Variants in FLOT2 observed in about 807,000 individuals in gnomAD.
FLOT2 encodes flotillin 2.
A neutral mutation model predicts 54.9 loss-of-function variants in FLOT2; 35 were observed. That is an observed-to-expected ratio of 0.64 (90% CI 0.49 to 0.84). FLOT2 has a LOEUF of 0.84. Ranked by LOEUF, FLOT2 falls within the 40% of genes least tolerant of loss-of-function variation. The probability of loss-of-function intolerance (pLI) is 0.00; values close to 1 mark genes in which losing one functional copy is unlikely to be tolerated. For missense variants in FLOT2, 464 were observed against 572.1 expected (o/e 0.81, Z 1.93); for synonymous variants, 207 against 228.9 (o/e 0.90, Z 0.86).
chr17:28,882,964 C>T lies in FLOT2; in HGVS notation c.346+144G>A, dbSNP rs2039481356. The T allele has an allele frequency of 3.4e-6, 3 of 886,308 alleles. No homozygotes were observed. The highest frequency in any genetic ancestry group is 5.1e-6 in the Non-Finnish European group (3 of 588,768). The allele number at this position is 886,308 out of a possible 1,614,324, so 54.9% of individuals were successfully genotyped here. On this transcript the variant is annotated intron_variant, in intron 4 of 10. Transcript: ENST00000394908. The surrounding 1 kb of genome is among the most constrained non-coding windows in gnomAD (Gnocchi z 5.6). Reference sequence around the variant, plus strand: ...CATACCCTCTCCTTAACTCAAGTCACCTGAAGTTTTGAAATTAAATATTTG... The same window carrying T: ...CATACCCTCTCCTTAACTCAAGTCATCTGAAGTTTTGAAATTAAATATTTG...
At position 28,882,555 on chromosome 17, in the gene FLOT2, C is replaced by A. The variant is rs1363493021; in HGVS notation, c.465+18G>T. 1.3e-6 allele frequency: 2 copies of A among 1,591,968 alleles called. No individual in the cohort carries two copies. The highest frequency in any genetic ancestry group is 2.7e-5 in the African/African-American group (2 of 74,496). On this transcript the variant is annotated intron_variant, in intron 5 of 10. Coordinates refer to ENST00000394908, the MANE Select transcript of FLOT2 (RefSeq NM_004475.3). This position sits in a 1 kb window ranked among gnomAD's most constrained non-coding sequence, Gnocchi z 5.6. ...CCCAGATGGACGCCAGGAGATACAGCTTCCCATCACGTCGTACCTTGATGG... is the reference window on the plus strand; with the variant it reads ...CCCAGATGGACGCCAGGAGATACAGATTCCCATCACGTCGTACCTTGATGG...
chr17:28,894,795 TA>T (rs746735489), intron 1 of FLOT2, among the ~76,000 whole-genome samples: 623 of 132,330 alleles, frequency 4.7e-3, no homozygotes, highest in Middle Eastern at 0.012. Context: ...AGACTGTATT[TA>T]AAAAAAAAAA....
In FLOT2 at chr17:28,882,438, T is replaced by C. The variant is rs758713849; in HGVS notation, c.478A>G (p.Lys160Glu). ...CCCAGGGAGCTCAGATAGTCCACTT[T>C]GTCATACACGTCCTGGGGAGGGAAG... ...LSFTIKDVYD[K>E]VDYLSSLGKT... Residue 160 changes from lysine to glutamate, a missense_variant, in exon 6 of 11, where the codon AAA becomes GAA. Transcript: ENST00000394908. The surrounding 1 kb of genome is among the most constrained non-coding windows in gnomAD (Gnocchi z 5.6). The C allele has an allele frequency of 6.2e-7, 1 of 1,614,028 alleles. No homozygotes were observed.
rs2039599678 is a variant in FLOT2 at position 28,889,045 on chromosome 17, C to A, written c.50-19G>T. Reference sequence around the variant, plus strand: ...CAGCCCCCTGGGGAGCAAAGCAAACCACCGCAAGTCAGTCGGTTCTTGGGT... The same window carrying A: ...CAGCCCCCTGGGGAGCAAAGCAAACAACCGCAAGTCAGTCGGTTCTTGGGT... On this transcript the variant is annotated intron_variant, in intron 1 of 10. Coordinates refer to ENST00000394908, the MANE Select transcript of FLOT2 (RefSeq NM_004475.3). The A allele has an allele frequency of 6.2e-7, 1 of 1,610,708 alleles. No homozygotes were observed. Among genetic ancestry groups the A allele is most frequent in the Non-Finnish European group, 8.5e-7 (1 of 1,177,318 alleles).
intron 1 of FLOT2, among the ~76,000 whole-genome samples, chr17:28,894,759 A>AC (rs1314728634): frequency 7.0e-6 from 1 of 143,846 alleles, no homozygotes; most frequent in African/African-American, 2.6e-5. Flanking sequence ...ATGCTACTGC[A>AC]CTCTAGTAGC....
chr17:28,894,690 A>C (rs1453660267), intron 1 of FLOT2, among the ~76,000 whole-genome samples: 1 of 108,994 alleles, frequency 9.2e-6, no homozygotes, highest in African/African-American at 3.7e-5. Flanking sequence ...GCTACTTGGG[A>C]GGCTGAGGTG....
At chr17:28,881,763 AG>A (rs1426049440) in intron 8 of FLOT2, 50 bp downstream of exon 8, 26 of 1,537,498 alleles carry the variant, frequency 1.7e-5, no homozygotes, top group Non-Finnish European at 2.3e-5. Context: ...AGTGCACTGA[AG>A]GCAGAGGAGC....
chr17:28,881,248 A>G lies in FLOT2; in HGVS notation c.1042T>C (p.Tyr348His). 2 of 1,614,202 alleles carry G rather than the reference A, an allele frequency of 1.2e-6. No homozygotes were observed. The highest frequency in any genetic ancestry group is 3.3e-4 in the Middle Eastern group (2 of 6,062). Residue 348 changes from tyrosine (Y) to histidine (H), a missense_variant, in exon 9 of 11, where the codon TAC becomes CAC. Transcript: ENST00000394908. ...TTGGCTGCATCCCCGTATTTCTGGT[A>G]GGCTTCTGCCTTGAGCTTCATCCGC... ...AERMKLKAEA[Y>H]QKYGDAAKMA...
In FLOT2 at chr17:28,897,711, G is replaced by T; in HGVS notation, c.-137C>A. On this transcript the variant is annotated 5_prime_UTR_variant, in exon 1 of 11. Transcript: ENST00000394908. The surrounding 1 kb of genome is among the most constrained non-coding windows in gnomAD (Gnocchi z 4.4). ...CGCTCGCTCGCCCGCGCCCCTCTGC[G>T]GTCGCAGCCCCGCCGGAAGTGTGGC... The T allele has an allele frequency of 1.5e-6, 1 of 689,390 alleles. No homozygotes were observed. 42.7% of individuals were successfully genotyped at this position (689,390 alleles called of 1,614,324 possible).
At chr17:28,886,633 G>A (rs575259438) in intron 2 of FLOT2, among the ~76,000 whole-genome samples, 2 of 152,322 alleles carry the variant, frequency 1.3e-5, no homozygotes, top group South Asian at 4.1e-4. Context: ...AAGGTGCCTC[G>A]AAGCTCCCTG....
rs912744810 is a variant in FLOT2, at chr17:28,885,408, G to T, written c.132-1093C>A. 5.9e-5 allele frequency among the ~76,000 whole-genome samples: 9 copies of T among 152,336 alleles called. No homozygotes were observed. The South Asian group carries it at 1.0e-3, about 18-fold the overall frequency. On this transcript the variant is annotated intron_variant, in intron 2 of 10. Coordinates refer to ENST00000394908, the MANE Select transcript of FLOT2 (RefSeq NM_004475.3). Reference sequence around the variant, plus strand: ...CTGGCACACAGGCTCTGAGGGGGCAGGGGCTTTTTATTGTTCGCTCCTGCA... The same window carrying T: ...CTGGCACACAGGCTCTGAGGGGGCATGGGCTTTTTATTGTTCGCTCCTGCA...
intron 2 of FLOT2, among the ~76,000 whole-genome samples, chr17:28,887,015 A>AGAGG (rs150764360): frequency 0.022 from 3,273 of 149,182 alleles, 120 homozygotes; most frequent in African/African-American, 0.077. Flanking sequence ...GAAATAGGGG[A>AGAGG]GAGGGAGGGA....
Position 28,882,305 on chromosome 17 carries a change from C to A in FLOT2, c.579+32G>T. ...GTCCTGAGTCATCATGGTCCCATCA[C>A]CCCTGAGCTTCCCATCCTTGAACCC... is the stretch of plus-strand genomic sequence containing the variant. On this transcript the variant is annotated intron_variant, in intron 6 of 10. Coordinates refer to ENST00000394908, the MANE Select transcript of FLOT2 (RefSeq NM_004475.3). This position sits in a 1 kb window ranked among gnomAD's most constrained non-coding sequence, Gnocchi z 5.6. The A allele has an allele frequency of 1.2e-6, 2 of 1,613,876 alleles. No individual in the cohort carries two copies. The highest frequency in any genetic ancestry group is 2.2e-5 in the East Asian group (1 of 44,874).
In FLOT2 at chr17:28,882,075, C is replaced by A. The variant is rs763263030; in HGVS notation, c.699+43G>T. The A allele has an allele frequency of 2.5e-6, 4 of 1,613,976 alleles. No homozygotes were observed. In the South Asian group the frequency reaches 3.3e-5, roughly 13 times the overall value. On this transcript the variant is annotated intron_variant, in intron 7 of 10. Transcript: ENST00000394908. The surrounding 1 kb of genome is among the most constrained non-coding windows in gnomAD (Gnocchi z 5.6). ...CACATTAGAGGCTGGTCACCAAGTC[C>A]TGATCCCTGAGCCCCATCCCAGGAT...
At chr17:28,889,842 G>A (rs1026708897) in intron 1 of FLOT2, among the ~76,000 whole-genome samples, 3 of 152,102 alleles carry the variant, frequency 2.0e-5, no homozygotes, top group Admixed American at 2.0e-4. Flanking sequence ...GTTTCACCAT[G>A]TTGGCCAGGC....
rs2039479518 is a variant in FLOT2 at position 28,882,853 on chromosome 17, G to GCACA, written c.347-166_347-163dup. The stretch of plus-strand genomic sequence containing the variant: ...AGCACTTAACACCGAGCTTCCTGCT[G>GCACA]CACAGTCCAGGCTGAATGAGGAAAA... On this transcript the variant is annotated intron_variant, in intron 4 of 10. Transcript: ENST00000394908. This position sits in a 1 kb window ranked among gnomAD's most constrained non-coding sequence, Gnocchi z 5.6. The GCACA allele has an allele frequency of 1.5e-6, 1 of 653,016 alleles. No individual in the cohort carries two copies. The highest frequency in any genetic ancestry group is 2.8e-5 in the Admixed American group (1 of 36,318). 40.5% of individuals were successfully genotyped at this position (653,016 alleles called of 1,614,324 possible).
At chr17:28,881,659 A>AGG in intron 8 of FLOT2, 155 bp downstream of exon 8, 1 of 717,550 alleles carries the variant, frequency 1.4e-6, no homozygotes, top group Non-Finnish European at 2.3e-6. Context: ...GCAGTCCCAC[A>AGG]GGGGACATGG....
rs1388942625 is a variant in FLOT2, at chr17:28,880,683, C to T, written c.1248+30G>A. The T allele has an allele frequency of 5.0e-6, 8 of 1,613,848 alleles. No individual in the cohort carries two copies. In the Admixed American group the frequency reaches 1.2e-4, roughly 24 times the overall value. ...GGGCCAGTCCGACGGGCTACCTGGG[C>T]AACCCCACCGCAGCTAGGCAGGCAC... On this transcript the variant is annotated intron_variant, in intron 10 of 10. Coordinates refer to ENST00000394908, the MANE Select transcript of FLOT2 (RefSeq NM_004475.3).
At position 28,897,670 on chromosome 17, in the gene FLOT2, CCAGCGGCCGGCCGCCCG is replaced by C. The variant is rs1567940544; in HGVS notation, c.-113_-97del. 1 of 1,144,764 alleles carries C rather than the reference CCAGCGGCCGGCCGCCCG, an allele frequency of 8.7e-7. No individual in the cohort carries two copies. Among genetic ancestry groups the C allele is most frequent in the South Asian group, 3.5e-5 (1 of 28,424 alleles). The allele number at this position is 1,144,764 out of a possible 1,614,324, so 70.9% of individuals were successfully genotyped here. ...CCGCGCCCAGCCTATCCCGCCACCC[CCAGCGGCCGGCCGCCCG>C]CTCGCTCGCCCGCGCCCCTCTGCGG... On this transcript the variant is annotated 5_prime_UTR_variant, in exon 1 of 11. Transcript: ENST00000394908. This position sits in a 1 kb window ranked among gnomAD's most constrained non-coding sequence, Gnocchi z 4.4.
Sources: allele counts gnomAD v4.1 joint callset (sites outside exome capture counted in the v4.1 genomes callset), GRCh38; gene constraint gnomAD v4.1.1; non-coding constraint Gnocchi (gnomAD v3.1); transcripts MANE v1.5; gene names NCBI Gene and HGNC (gene_info 2026-07-23, HGNC 2026-07-21).